VEPH1: variants seen among roughly 807,000 people sequenced by gnomAD.
VEPH1 encodes ventricular zone expressed PH domain containing 1.
Under a neutral mutation model 85.2 loss-of-function variants are expected in VEPH1, and 80 were observed. The observed-to-expected ratio is 0.94, with a 90% confidence interval of 0.78 to 1.13. The LOEUF is 1.13. VEPH1 is among the 50% of genes most tolerant of loss of function. The pLI is 0.00. For synonymous variants in VEPH1, 297 were observed against 348.0 expected (o/e 0.85, Z 1.63); for missense variants, 955 against 980.5 (o/e 0.97, Z 0.35).
At chr3:157,469,193 C>G (rs1235818760) in intron 3 of VEPH1, among the ~76,000 whole-genome samples, 1 of 152,196 alleles carries the variant, frequency 6.6e-6, no homozygotes, top group African/African-American at 2.4e-5. Flanking sequence ...TTTCTCCCCA[C>G]CAACCCTTAA....
At chr3:157,302,923 A>ATAT (rs10628546) in intron 11 of VEPH1, among the ~76,000 whole-genome samples, 110,196 of 151,766 alleles carry the variant, frequency 0.73, 40,749 homozygotes, top group African/African-American at 0.86. Context: ...GAGGAAGAAA[A>ATAT]TATAACTTTC....
chr3:157,395,707 C>CT (rs967916995), intron 6 of VEPH1, among the ~76,000 whole-genome samples: 54 of 151,358 alleles, frequency 3.6e-4, no homozygotes, highest in African/African-American at 9.0e-4. Context: ...CACCAATTTT[C>CT]TTTTTTTTTA....
chr3:157,481,968 A>G (rs183875048), intron 2 of VEPH1, among the ~76,000 whole-genome samples: 5 of 152,126 alleles, frequency 3.3e-5, no homozygotes, highest in Non-Finnish European at 7.4e-5. Context: ...TTTGTCAAAG[A>G]TCAGATAGTT....
chr3:157,274,549 A>G (rs1715134667), intron 12 of VEPH1, among the ~76,000 whole-genome samples: 1 of 152,156 alleles, frequency 6.6e-6, no homozygotes, highest in Non-Finnish European at 1.5e-5. Flanking sequence ...TCAGGCTGGA[A>G]TACAGTGGCT....
At chr3:157,273,193 A>G (rs926575413) in intron 12 of VEPH1, among the ~76,000 whole-genome samples, 7 of 152,220 alleles carry the variant, frequency 4.6e-5, no homozygotes, top group Non-Finnish European at 8.8e-5. Context: ...GTTTTTATTA[A>G]TACCCATTGC....
chr3:157,350,860 GA>G (rs1161560349), intron 9 of VEPH1, among the ~76,000 whole-genome samples: 4 of 151,624 alleles, frequency 2.6e-5, no homozygotes, highest in Admixed American at 6.6e-5. Flanking sequence ...TTATCAAAAA[GA>G]AAAAAAATAA....
rs528869882 is a variant in VEPH1, at chr3:157,305,352, C to T, written c.2010+8269G>A. On this transcript the variant is annotated intron_variant, in intron 11 of 13. Transcript: ENST00000362010. ...GTCTCGATCTCCTGACCTCGTGATC[C>T]GCCCGCCTCGGCCTCCCAAAGTGCT... 7.2e-5 allele frequency among the ~76,000 whole-genome samples: 11 copies of T among 151,948 alleles called. No individual in the cohort carries two copies. The South Asian group carries it at 1.7e-3, about 23-fold the overall frequency.
intron 12 of VEPH1, among the ~76,000 whole-genome samples, chr3:157,273,810 T>C (rs1416778628): frequency 1.3e-5 from 2 of 152,240 alleles, no homozygotes; most frequent in Non-Finnish European, 2.9e-5. Flanking sequence ...TAATTCACTC[T>C]CTACCTGGTT....
intron 9 of VEPH1, among the ~76,000 whole-genome samples, chr3:157,354,257 TA>T (rs139120066): frequency 1.0e-4 from 15 of 149,008 alleles, no homozygotes; most frequent in African/African-American, 2.2e-4. Flanking sequence ...GTTTATTAAT[TA>T]AAAAAAAAAG....
At chr3:157,287,705 C>T (rs1036243501) in intron 11 of VEPH1, among the ~76,000 whole-genome samples, 17 of 151,918 alleles carry the variant, frequency 1.1e-4, no homozygotes, top group African/African-American at 1.7e-4. Flanking sequence ...GCTGGGTTTA[C>T]GGGTGCCTGC....
At chr3:157,477,522 T>C (rs976384407) in intron 2 of VEPH1, among the ~76,000 whole-genome samples, 1 of 152,098 alleles carries the variant, frequency 6.6e-6, no homozygotes, top group Non-Finnish European at 1.5e-5. Flanking sequence ...ACAGAGATGA[T>C]GCATACCAAT....
chr3:157,294,372 G>A lies in VEPH1; in HGVS notation c.2011-7698C>T, dbSNP rs12634758. The stretch of plus-strand genomic sequence containing the variant: ...ACAGATACGTATTCTTGAAAAATAC[G>A]TAGCAATGTTTATTTTTCATTTTTG... On this transcript the variant is annotated intron_variant, in intron 11 of 13. Transcript: ENST00000362010. Among the ~76,000 whole-genome samples, 418 of 152,194 alleles carry A rather than the reference G, an allele frequency of 2.7e-3. 5 individuals carry two copies. In the East Asian group the frequency reaches 0.043, roughly 16 times the overall value.
intron 6 of VEPH1, among the ~76,000 whole-genome samples, chr3:157,384,864 G>A (rs1729126774): frequency 6.6e-6 from 1 of 152,080 alleles, no homozygotes; most frequent in South Asian, 2.1e-4. Flanking sequence ...GCCTCTGAGG[G>A]CTAGTGACTG....
At chr3:157,267,203 C>T (rs1300907656) in intron 12 of VEPH1, among the ~76,000 whole-genome samples, 2 of 148,964 alleles carry the variant, frequency 1.3e-5, no homozygotes, top group East Asian at 4.0e-4. Flanking sequence ...TCAAGTGATT[C>T]CCCTGCCTCA....
At chr3:157,378,305 GGTATATAT>G (rs1728360896) in intron 7 of VEPH1, among the ~76,000 whole-genome samples, 2 of 77,208 alleles carry the variant, frequency 2.6e-5, no homozygotes, top group African/African-American at 4.9e-5. Context: ...ATTTTTGAAT[GGTATATAT>G]ATATATATAT....
At chr3:157,294,585 A>G (rs1456518493) in intron 11 of VEPH1, among the ~76,000 whole-genome samples, 1 of 152,204 alleles carries the variant, frequency 6.6e-6, no homozygotes, top group Non-Finnish European at 1.5e-5. Flanking sequence ...GGGTGCCCCC[A>G]TCTCTGAACT....
At chr3:157,277,621 T>A (rs777611585) in intron 12 of VEPH1, among the ~76,000 whole-genome samples, 19 of 152,212 alleles carry the variant, frequency 1.2e-4, no homozygotes, top group Non-Finnish European at 2.5e-4. Context: ...GTTTATAATG[T>A]CTGCACTGGA....
rs1395935883 is a variant in VEPH1 at position 157,428,432 on chromosome 3, T to C, written c.586A>G (p.Ile196Val). The C allele has an allele frequency of 4.3e-6, 7 of 1,613,988 alleles. No homozygotes were observed. The highest frequency in any genetic ancestry group is 1.3e-5 in the African/African-American group (1 of 74,916). The change falls in exon 5 of 14, where the codon ATT (isoleucine) becomes GTT (valine). Residue 196 changes from isoleucine (I) to valine (V), a missense_variant. Physicochemically the swap from Ile to Val is conservative, Grantham distance 29 (BLOSUM62 3). Transcript: ENST00000362010. ...AGGAGTTCTGTCAGGTGTCTATTAA[T>C]TGGCTGAGGCTGCTTTTCATACACA... The part of the protein sequence containing the change: ...PAVYEKQPQP[I>V]NRHLTELLAL...
At position 157,363,666 on chromosome 3, in the gene VEPH1, G is replaced by A. The variant is rs1481194915; in HGVS notation, c.1433C>T (p.Ser478Phe). 2 of 1,614,026 alleles carry A rather than the reference G, an allele frequency of 1.2e-6. No homozygotes were observed. Among genetic ancestry groups the A allele is most frequent in the East Asian group, 2.2e-5 (1 of 44,898 alleles). The change falls in exon 9 of 14, where the codon TCT (serine) becomes TTT (phenylalanine). Residue 478 changes from serine to phenylalanine, a missense_variant. By Grantham distance (155) the Ser-to-Phe change is radical (BLOSUM62 -2). Transcript: ENST00000362010. The part of the protein sequence containing the change: ...ENRGDIPASI[S>F]LSEIDPLGQG... The stretch of plus-strand genomic sequence containing the variant: ...GCCAAGTGGGTCTATTTCTGAAAGA[G>A]AGATGCTGGCTGGTATGTCTCCCCT...
Sources: allele counts gnomAD v4.1 joint callset (sites outside exome capture counted in the v4.1 genomes callset), GRCh38; gene constraint gnomAD v4.1.1; transcripts MANE v1.5; gene names NCBI Gene and HGNC (gene_info 2026-07-23, HGNC 2026-07-21).